The following ZNF713 variants were observed in gnomAD, a reference collection of about 807,000 sequenced individuals.
The protein encoded by ZNF713 is zinc finger protein 713.
In ZNF713, 21 loss-of-function variants were observed where a neutral mutation model predicts 28.7. That is an observed-to-expected ratio of 0.73 (90% CI 0.52 to 1.05). The LOEUF is 1.05. Among genes scored for constraint, ZNF713 ranks in the 50% least tolerant of loss-of-function variants. The pLI is 0.00. For missense variants in ZNF713, 458 were observed against 532.4 expected (o/e 0.86, Z 1.37); for synonymous variants, 167 against 178.0 (o/e 0.94, Z 0.49).
In ZNF713 at chr7:55,940,185, C is replaced by T; in HGVS notation, c.*179C>T. The T allele has an allele frequency of 2.6e-6, 3 of 1,160,172 alleles. No homozygotes were observed. The highest frequency in any genetic ancestry group is 3.4e-6 in the Non-Finnish European group (3 of 874,068). The allele number at this position is 1,160,172 out of a possible 1,614,324, so 71.9% of individuals were successfully genotyped here. ...TCACCCAGGCTGAAGTGCAGTGGTA[C>T]AATCTTGGCTCACTGCAACCTCTGC... On this transcript the variant is annotated 3_prime_UTR_variant, in exon 7 of 7. Coordinates refer to ENST00000429591, the MANE Select transcript of ZNF713 (RefSeq NM_182633.3).
chr7:55,930,238 A>G (rs1040084910), intron 6 of ZNF713, among the ~76,000 whole-genome samples: 7 of 152,164 alleles, frequency 4.6e-5, no homozygotes, highest in African/African-American at 1.7e-4. Context: ...GAGAAATACA[A>G]ATTAAAGCTG....
In ZNF713 at chr7:55,941,907, G is replaced by A. The variant is rs924890783; in HGVS notation, c.*1901G>A. 2.6e-5 allele frequency: 4 copies of A among 152,140 alleles called. No homozygotes were observed. The highest frequency in any genetic ancestry group is 4.4e-5 in the Non-Finnish European group (3 of 68,026). 9.4% of individuals were successfully genotyped at this position (152,140 alleles called of 1,614,324 possible). ...TCACTTTGAGAAGAGCCTTGAAGAAGACTTGAGGGTCCTATTGATGAACTT... is the reference window on the plus strand; with the variant it reads ...TCACTTTGAGAAGAGCCTTGAAGAAAACTTGAGGGTCCTATTGATGAACTT... On this transcript the variant is annotated 3_prime_UTR_variant, in exon 7 of 7. Coordinates refer to ENST00000429591, the MANE Select transcript of ZNF713 (RefSeq NM_182633.3).
intron 1 of ZNF713, among the ~76,000 whole-genome samples, chr7:55,899,736 A>G (rs947679240): frequency 6.6e-6 from 1 of 151,616 alleles, no homozygotes; most frequent in African/African-American, 2.4e-5. Context: ...CTGAGTATAT[A>G]TTCTTTTTTT....
At chr7:55,890,558 G>A (rs1403436981) in intron 1 of ZNF713, among the ~76,000 whole-genome samples, 2 of 151,832 alleles carry the variant, frequency 1.3e-5, no homozygotes, top group Non-Finnish European at 2.9e-5. Context: ...ATATAATTTA[G>A]TCCATAACAG....
chr7:55,887,751 G>GAGGCGGC (rs1562731152), intron 1 of ZNF713, 71 bp downstream of exon 1: 2 of 2,292 alleles, frequency 8.7e-4, no homozygotes, highest in Non-Finnish European at 1.6e-3. Context: ...GCGGAGGCGG[G>GAGGCGGC]GGGCGGAGGC....
intron 6 of ZNF713, among the ~76,000 whole-genome samples, chr7:55,937,518 T>C (rs1027371676): frequency 3.9e-5 from 6 of 152,192 alleles, no homozygotes; most frequent in African/African-American, 9.6e-5. Flanking sequence ...GGAATTACTT[T>C]GGGGTTCTAT....
chr7:55,904,045 A>T (rs887864854), intron 1 of ZNF713, among the ~76,000 whole-genome samples: 4 of 151,518 alleles, frequency 2.6e-5, no homozygotes, highest in Non-Finnish European at 5.9e-5. Context: ...AAAACCTAAG[A>T]AGCAGCAACA....
chr7:55,934,829 A>G (rs189650797), intron 6 of ZNF713, among the ~76,000 whole-genome samples: 2 of 151,376 alleles, frequency 1.3e-5, no homozygotes, highest in East Asian at 3.9e-4. Flanking sequence ...TAAGAGAACA[A>G]TTTGACAGAA....
intron 6 of ZNF713, among the ~76,000 whole-genome samples, chr7:55,926,636 A>C (rs899649786): frequency 6.6e-6 from 1 of 152,168 alleles, no homozygotes; most frequent in African/African-American, 2.4e-5. Context: ...GTCCTTATTT[A>C]TCTAAAATCT....
intron 1 of ZNF713, among the ~76,000 whole-genome samples, chr7:55,901,183 G>A (rs982156582): frequency 7.2e-5 from 11 of 152,224 alleles, no homozygotes; most frequent in African/African-American, 2.6e-4. Flanking sequence ...TGAGTGGCTG[G>A]GGAGGACTCA....
chr7:55,920,962 T>G (rs1442841925), intron 4 of ZNF713, among the ~76,000 whole-genome samples: 1 of 152,060 alleles, frequency 6.6e-6, no homozygotes, highest in African/African-American at 2.4e-5. Context: ...AACTCATGGC[T>G]TCAGAAGACA....
intron 6 of ZNF713, among the ~76,000 whole-genome samples, chr7:55,938,647 C>T (rs1467449424): frequency 6.6e-6 from 1 of 151,342 alleles, no homozygotes; most frequent in African/African-American, 2.4e-5. Context: ...TCTAATTAAT[C>T]ATTCCCCTGT....
At chr7:55,935,682 G>A (rs1584320584) in intron 6 of ZNF713, among the ~76,000 whole-genome samples, 2 of 152,124 alleles carry the variant, frequency 1.3e-5, no homozygotes, top group Admixed American at 1.3e-4. Flanking sequence ...GGCCAGGCGC[G>A]GTGGCTCACG....
At chr7:55,913,065 C>T (rs77928901) in intron 4 of ZNF713, among the ~76,000 whole-genome samples, 6 of 152,076 alleles carry the variant, frequency 3.9e-5, no homozygotes, top group East Asian at 1.9e-4. Flanking sequence ...TGACTGATGC[C>T]GAGGCCCCTA....
intron 1 of ZNF713, among the ~76,000 whole-genome samples, chr7:55,904,892 A>G (rs968849243): frequency 1.3e-5 from 2 of 152,012 alleles, no homozygotes; most frequent in Non-Finnish European, 2.9e-5. Context: ...ACACCCGGCT[A>G]ATTTTTGTAC....
intron 1 of ZNF713, among the ~76,000 whole-genome samples, chr7:55,897,467 G>T (rs1785494895): frequency 6.6e-6 from 1 of 151,268 alleles, no homozygotes; most frequent in Admixed American, 6.6e-5. Flanking sequence ...TTTTTTCATA[G>T]TGAAGGTCTC....
Position 55,940,855 on chromosome 7 carries a change from A to C in ZNF713, c.*849A>C, listed in dbSNP as rs1584324059. 1 of 105,394 alleles carries C rather than the reference A, an allele frequency of 9.5e-6. No homozygotes were observed. Among genetic ancestry groups the C allele is most frequent in the African/African-American group, 3.8e-5 (1 of 26,086 alleles). The allele number at this position is 105,394 out of a possible 1,614,324, so 6.5% of individuals were successfully genotyped here. On this transcript the variant is annotated 3_prime_UTR_variant, in exon 7 of 7. Transcript: ENST00000429591. ...TTTTGAGGCAGAGTCTCGCTCTGCC[A>C]CCCAGGCTGGAGTGCAATGGCGCGA... is the stretch of plus-strand genomic sequence containing the variant.
chr7:55,920,756 C>CTTTATTTATTTA (rs139275645), intron 4 of ZNF713, among the ~76,000 whole-genome samples: 9 of 149,034 alleles, frequency 6.0e-5, no homozygotes, highest in East Asian at 2.0e-4. Context: ...CCATCTAGGA[C>CTTTATTTATTTA]TTTATTTATT....
At chr7:55,916,118 A>G (rs1050911057) in intron 4 of ZNF713, among the ~76,000 whole-genome samples, 20 of 152,372 alleles carry the variant, frequency 1.3e-4, no homozygotes, top group Middle Eastern at 6.8e-3. Context: ...AAATGGCACT[A>G]TTGGTAATGG....
Sources: gnomAD v4.1 joint callset for allele counts (sites outside exome capture counted in the v4.1 genomes callset) on GRCh38, gnomAD v4.1.1 for gene constraint, MANE v1.5 for transcripts, NCBI Gene and HGNC (gene_info 2026-07-23, HGNC 2026-07-21) for gene names.